Variants in DSCAM observed in about 807,000 individuals in gnomAD.
DSCAM encodes DS cell adhesion molecule, also known as cell adhesion molecule DSCAM.
DSCAM carries 47 observed loss-of-function variants against 217.7 expected under a neutral mutation model. The ratio of observed to expected loss-of-function variants is 0.22; its 90% confidence interval spans 0.17 to 0.28. DSCAM has a LOEUF of 0.28. Ranked by LOEUF, DSCAM falls within the 10% of genes least tolerant of loss-of-function variation. The probability of loss-of-function intolerance (pLI) is 1.00; values close to 1 mark genes in which losing one functional copy is unlikely to be tolerated. For missense variants in DSCAM, 2,080 were observed against 2,618.3 expected, an observed-to-expected ratio of 0.79 and a Z score of 4.49; for synonymous variants, 1,056 against 1,015.3, an observed-to-expected ratio of 1.04 and a Z score of -0.76.
At chr21:40,413,041 C>T (rs568766380) in intron 3 of DSCAM, among the ~76,000 whole-genome samples, 2 of 152,312 alleles carry the variant, frequency 1.3e-5, no homozygotes, top group South Asian at 2.1e-4. Flanking sequence ...GTTGACCCTG[C>T]GAGTGCACAG....
rs961257812 is a variant in DSCAM, at chr21:40,016,606, G to T, written c.5687-3220C>A. Among the ~76,000 whole-genome samples the T allele has an allele frequency of 3.9e-5, 6 of 152,076 alleles. No individual in the cohort carries two copies. The highest frequency in any genetic ancestry group is 7.3e-5 in the Non-Finnish European group (5 of 68,028). On this transcript the variant is annotated intron_variant, in intron 32 of 32. Transcript: ENST00000400454. The surrounding 1 kb of genome is among the most constrained non-coding windows in gnomAD (Gnocchi z 4.3). ...TACTGTATGCTAACAATAATTAATTGAGCCTTCCTCATCCAGCCCCTTTGG... is the reference window on the plus strand; with the variant it reads ...TACTGTATGCTAACAATAATTAATTTAGCCTTCCTCATCCAGCCCCTTTGG...
At chr21:40,388,276 T>A (rs2123748051) in intron 3 of DSCAM, among the ~76,000 whole-genome samples, 1 of 152,182 alleles carries the variant, frequency 6.6e-6, no homozygotes. Context: ...CCTAAACAAA[T>A]AATGACTGTA....
chr21:40,759,097 G>A (rs919214593), intron 1 of DSCAM, among the ~76,000 whole-genome samples: 2 of 152,126 alleles, frequency 1.3e-5, no homozygotes, highest in African/African-American at 4.8e-5. Context: ...AGGGAGAGAA[G>A]GGTAGAGAGA....
At chr21:40,643,005 T>G (rs1255530225) in intron 3 of DSCAM, among the ~76,000 whole-genome samples, 1 of 152,228 alleles carries the variant, frequency 6.6e-6, no homozygotes, top group African/African-American at 2.4e-5. Flanking sequence ...CTGGGGCTGC[T>G]GTGTGTTTCA....
intron 11 of DSCAM, 81 bp downstream of exon 11, chr21:40,276,016 G>C: frequency 7.1e-7 from 1 of 1,406,860 alleles, no homozygotes; most frequent in Non-Finnish European, 9.5e-7. Context: ...AAACAGGTAT[G>C]TATGGAGACA....
intron 23 of DSCAM, among the ~76,000 whole-genome samples, chr21:40,084,617 T>C (rs1295454928): frequency 2.0e-5 from 3 of 151,560 alleles, no homozygotes; most frequent in Non-Finnish European, 4.4e-5. Flanking sequence ...ACAAGGCTTG[T>C]AGAATACATA....
At chr21:40,350,380 A>G (rs879138621) in intron 5 of DSCAM, among the ~76,000 whole-genome samples, 2 of 152,206 alleles carry the variant, frequency 1.3e-5, no homozygotes, top group Non-Finnish European at 2.9e-5. Flanking sequence ...AATTTTTGCA[A>G]TCTATCCATC....
chr21:40,259,631 A>G (rs1035351402), intron 11 of DSCAM, among the ~76,000 whole-genome samples: 2 of 141,970 alleles, frequency 1.4e-5, no homozygotes, highest in Non-Finnish European at 3.1e-5. Flanking sequence ...AATAGTTCTT[A>G]GAGAGAATGA....
intron 20 of DSCAM, among the ~76,000 whole-genome samples, chr21:40,112,350 G>C (rs960549056): frequency 9.9e-5 from 15 of 151,930 alleles, no homozygotes; most frequent in African/African-American, 3.4e-4. Flanking sequence ...CAGAAATAAA[G>C]ATGTTCCTTG....
chr21:40,256,400 C>CAGACAGAGAGAGAGAGAGAG (rs2073370876), intron 11 of DSCAM, among the ~76,000 whole-genome samples: 1 of 147,212 alleles, frequency 6.8e-6, no homozygotes, highest in Non-Finnish European at 1.5e-5. Flanking sequence ...GAGAGAGAGA[C>CAGACAGAGAGAGAGAGAGAG]AGACAGAGAG....
chr21:40,181,750 C>T (rs374378498), intron 14 of DSCAM, among the ~76,000 whole-genome samples: 9 of 151,808 alleles, frequency 5.9e-5, no homozygotes, highest in South Asian at 4.2e-4. Flanking sequence ...GCACAGAAAT[C>T]GTTTGGTCAA....
intron 27 of DSCAM, among the ~76,000 whole-genome samples, chr21:40,065,502 G>A (rs2089193919): frequency 6.6e-6 from 1 of 152,126 alleles, no homozygotes; most frequent in African/African-American, 2.4e-5. Flanking sequence ...TTTCAGATTG[G>A]CCACCTAATG....
chr21:40,736,115 A>T (rs2091060873), intron 1 of DSCAM, among the ~76,000 whole-genome samples: 1 of 152,200 alleles, frequency 6.6e-6, no homozygotes, highest in Non-Finnish European at 1.5e-5. Context: ...TCAGTTTCAA[A>T]TAAAGGATGT....
At chr21:40,443,804 A>T (rs1209318211) in intron 3 of DSCAM, among the ~76,000 whole-genome samples, 1 of 152,212 alleles carries the variant, frequency 6.6e-6, no homozygotes, top group African/African-American at 2.4e-5. Flanking sequence ...AAGTGACATG[A>T]AATGAAATAT....
At chr21:40,194,425 C>T (rs1018435087) in intron 11 of DSCAM, among the ~76,000 whole-genome samples, 10 of 152,118 alleles carry the variant, frequency 6.6e-5, no homozygotes, top group East Asian at 5.8e-4. Context: ...GCCCTTTTTG[C>T]GAGGATTTCT....
intron 1 of DSCAM, among the ~76,000 whole-genome samples, chr21:40,747,598 G>T (rs2091187699): frequency 6.6e-6 from 1 of 151,686 alleles, no homozygotes; most frequent in Non-Finnish European, 1.5e-5. Flanking sequence ...AAGACTTAAT[G>T]GTATCACTGA....
intron 1 of DSCAM, among the ~76,000 whole-genome samples, chr21:40,767,767 A>G (rs2091406597): frequency 1.3e-5 from 2 of 152,292 alleles, no homozygotes; most frequent in South Asian, 2.1e-4. Flanking sequence ...ATGAATTACC[A>G]TTTCTACGGA....
chr21:40,136,081 TC>T (rs1364362607), intron 18 of DSCAM, among the ~76,000 whole-genome samples: 1 of 152,240 alleles, frequency 6.6e-6, no homozygotes, highest in East Asian at 1.9e-4. Flanking sequence ...TGGACTCCTG[TC>T]TTCTAGGGAG....
chr21:40,478,182 T>A (rs1352806719), intron 3 of DSCAM, among the ~76,000 whole-genome samples: 8 of 152,240 alleles, frequency 5.3e-5, no homozygotes, highest in African/African-American at 1.9e-4. Context: ...TGTGTAGTTG[T>A]TGGCTGTTCA....
Sources: gnomAD v4.1 joint callset for allele counts (sites outside exome capture counted in the v4.1 genomes callset) on GRCh38, gnomAD v4.1.1 for gene constraint, Gnocchi (gnomAD v3.1) non-coding constraint, MANE v1.5 for transcripts, NCBI Gene and HGNC (gene_info 2026-07-23, HGNC 2026-07-21) for gene names.